Variants in BLTP1 observed in about 807,000 individuals in gnomAD.
The protein encoded by BLTP1 is bridge-like lipid transfer protein family member 1.
chr4:122,174,781 C>A, the BLTP1 span: 1 of 747,516 alleles, frequency 1.3e-6, no homozygotes, highest in Non-Finnish European at 2.0e-6. Flanking sequence ...TTTTTTTTTC[C>A]AGTAAATCAT....
the BLTP1 span, among the ~76,000 whole-genome samples, chr4:122,297,719 G>A: frequency 1.3e-5 from 2 of 152,156 alleles, no homozygotes; most frequent in African/African-American, 2.4e-5. Flanking sequence ...ATGGAATGCT[G>A]TGCAGCCACA....
the BLTP1 span, chr4:122,270,889 T>C: frequency 7.9e-7 from 1 of 1,270,738 alleles, no homozygotes; most frequent in South Asian, 1.7e-5. Flanking sequence ...TTTTACTGGT[T>C]TGCTTGCTTA....
chr4:122,324,578 T>G, the BLTP1 span: 1 of 1,526,058 alleles, frequency 6.6e-7, no homozygotes, highest in Non-Finnish European at 8.9e-7. Context: ...ATAAAATTGT[T>G]GACTCTTTTA....
the BLTP1 span, among the ~76,000 whole-genome samples, chr4:122,316,183 T>C: frequency 5.4e-4 from 82 of 152,336 alleles, 2 homozygotes; most frequent in South Asian, 0.016. Flanking sequence ...CTATACACTC[T>C]GTAGTTTCAA....
chr4:122,344,181 A>G, the BLTP1 span: 1 of 382,508 alleles, frequency 2.6e-6, no homozygotes, highest in Non-Finnish European at 3.6e-6. Flanking sequence ...AAAATCACCA[A>G]TTATGTTTGT....
chr4:122,249,826 G>T, the BLTP1 span: 11 of 1,412,764 alleles, frequency 7.8e-6, no homozygotes, highest in Non-Finnish European at 1.0e-5. Flanking sequence ...TTTACCGGGG[G>T]TGAGTGCCTC....
At chr4:122,278,432 A>G in the BLTP1 span, among the ~76,000 whole-genome samples, 1 of 152,204 alleles carries the variant, frequency 6.6e-6, no homozygotes, top group Admixed American at 6.5e-5. Context: ...AAAACTCTTA[A>G]CAGAATTGCT....
chr4:122,300,002 C>G, the BLTP1 span: 1 of 868,362 alleles, frequency 1.2e-6, no homozygotes, highest in Non-Finnish European at 1.4e-6. Flanking sequence ...TTCCAAAATA[C>G]AAATATATAT....
chr4:122,244,262 T>C, the BLTP1 span, among the ~76,000 whole-genome samples: 2 of 152,066 alleles, frequency 1.3e-5, no homozygotes. Flanking sequence ...ATAATTGGAG[T>C]TGTCCCTCCA....
At chr4:122,356,048 T>G in the BLTP1 span, 1 of 1,268,198 alleles carries the variant, frequency 7.9e-7, no homozygotes, top group Non-Finnish European at 1.1e-6. Context: ...TTCAAACTAC[T>G]GCTGTGTTCC....
chr4:122,160,689 A>G, the BLTP1 span, among the ~76,000 whole-genome samples: 2 of 152,168 alleles, frequency 1.3e-5, no homozygotes, highest in Admixed American at 1.3e-4. Flanking sequence ...TTTATTTTGA[A>G]TAAAAATGTT....
chr4:122,303,411 C>T, the BLTP1 span, among the ~76,000 whole-genome samples: 4 of 152,164 alleles, frequency 2.6e-5, no homozygotes, highest in South Asian at 4.1e-4. Context: ...AGGAAATTAA[C>T]GTTTTTATGC....
chr4:122,201,304 T>G, the BLTP1 span, among the ~76,000 whole-genome samples: 1 of 152,188 alleles, frequency 6.6e-6, no homozygotes, highest in Non-Finnish European at 1.5e-5. Context: ...TGCATTCTTT[T>G]CTAACCTAAA....
the BLTP1 span, chr4:122,287,657 G>A: frequency 1.0e-6 from 1 of 984,786 alleles, no homozygotes; most frequent in South Asian, 4.7e-5. Flanking sequence ...AATGCTCTTT[G>A]GGTTCTCTGA....
the BLTP1 span, among the ~76,000 whole-genome samples, chr4:122,265,267 C>T: frequency 6.6e-6 from 1 of 152,172 alleles, no homozygotes; most frequent in Non-Finnish European, 1.5e-5. Context: ...ATACATCCTT[C>T]TGTATACTTT....
the BLTP1 span, chr4:122,204,852 A>G: frequency 1.1e-6 from 1 of 876,110 alleles, no homozygotes; most frequent in Non-Finnish European, 1.4e-6. Flanking sequence ...TAGATTATGT[A>G]AAGTGTGATG....
At chr4:122,286,937 G>A in the BLTP1 span, 1 of 666,074 alleles carries the variant, frequency 1.5e-6, no homozygotes, top group Non-Finnish European at 2.5e-6. Context: ...AAGTGTGTGT[G>A]TGTGGGTGTA....
At chr4:122,184,765 G>A in the BLTP1 span, 4 of 985,094 alleles carry the variant, frequency 4.1e-6, no homozygotes, top group African/African-American at 7.0e-5. Flanking sequence ...GCCTTTCTAA[G>A]CCACACATGA....
At chr4:122,214,895 A>AAG in the BLTP1 span, among the ~76,000 whole-genome samples, 1 of 152,220 alleles carries the variant, frequency 6.6e-6, no homozygotes, top group African/African-American at 2.4e-5. Context: ...TACAGGCATG[A>AAG]GCCACTGTGC....
Sources: allele counts gnomAD v4.1 joint callset (sites outside exome capture counted in the v4.1 genomes callset), GRCh38; gene constraint gnomAD v4.1.1; transcripts MANE v1.5; gene names NCBI Gene and HGNC (gene_info 2026-07-23, HGNC 2026-07-21).